PKNOX2: variants seen among roughly 807,000 people sequenced by gnomAD.
PKNOX2 encodes PBX/knotted 1 homeobox 2, also known as homeobox protein PKNOX2.
A neutral mutation model predicts 53.1 loss-of-function variants in PKNOX2; 14 were observed. The observed-to-expected ratio is 0.26, with a 90% confidence interval of 0.17 to 0.41. PKNOX2 has a LOEUF of 0.41. Among genes scored for constraint, PKNOX2 ranks in the 10% least tolerant of loss-of-function variants. PKNOX2 has a pLI of 1.00. For missense variants in PKNOX2, 496 were observed against 602.8 expected, an observed-to-expected ratio of 0.82 and a Z score of 1.85; for synonymous variants, 257 against 242.8, an observed-to-expected ratio of 1.06 and a Z score of -0.54.
intron 3 of PKNOX2, among the ~76,000 whole-genome samples, chr11:125,338,904 C>T (rs1411306618): frequency 1.3e-5 from 2 of 152,204 alleles, no homozygotes; most frequent in Admixed American, 6.5e-5. Context: ...TCTTTCTTTC[C>T]ACCCAGACCA....
intron 2 of PKNOX2, among the ~76,000 whole-genome samples, chr11:125,252,148 A>T (rs1344774745): frequency 6.6e-6 from 1 of 152,220 alleles, no homozygotes; most frequent in Non-Finnish European, 1.5e-5. Flanking sequence ...CAGGGCTGAT[A>T]CCTGAAGTGG....
At chr11:125,290,852 G>A (rs535142168) in intron 2 of PKNOX2, among the ~76,000 whole-genome samples, 14 of 152,020 alleles carry the variant, frequency 9.2e-5, no homozygotes, top group African/African-American at 3.1e-4. Context: ...AGAGGAGGGT[G>A]CCGAGCTCCA....
In PKNOX2 at chr11:125,433,260, CAG is replaced by C; in HGVS notation, c.*1869_*1870del. 6.5e-6 allele frequency: 1 copy of C among 153,036 alleles called. No individual in the cohort carries two copies. The highest frequency in any genetic ancestry group is 1.9e-4 in the East Asian group (1 of 5,188). The allele number at this position is 153,036 out of a possible 1,614,324, so 9.5% of individuals were successfully genotyped here. A position where few individuals can be genotyped will look rare whatever the true frequency, so the allele number is the denominator to read the frequency against. ...CCCCCAGCACGGACACACTGGCACA[CAG>C]GTGCCCACATCTCTTCCTCTCAGCC... On this transcript the variant is annotated 3_prime_UTR_variant, in exon 13 of 13. Transcript: ENST00000298282.
At chr11:125,398,096 C>T in intron 7 of PKNOX2, 34 bp downstream of exon 7, 1 of 1,580,498 alleles carries the variant, frequency 6.3e-7, no homozygotes, top group Non-Finnish European at 8.6e-7. Flanking sequence ...TCTCTTAAGC[C>T]AGGCTCCTAA....
chr11:125,221,114 C>A (rs1462287138), intron 1 of PKNOX2, among the ~76,000 whole-genome samples: 1 of 152,066 alleles, frequency 6.6e-6, no homozygotes, highest in African/African-American at 2.4e-5. Flanking sequence ...GAGATCGCGC[C>A]ACTGCACTCC....
At chr11:125,344,385 G>T (rs1950863690) in intron 3 of PKNOX2, among the ~76,000 whole-genome samples, 1 of 152,226 alleles carries the variant, frequency 6.6e-6, no homozygotes, top group African/African-American at 2.4e-5. Flanking sequence ...ATTGGGGGTT[G>T]GATGGGAAGG....
intron 5 of PKNOX2, among the ~76,000 whole-genome samples, chr11:125,375,796 G>A (rs748726334): frequency 6.6e-5 from 10 of 152,280 alleles, no homozygotes; most frequent in South Asian, 4.1e-4. Context: ...ATCACTGATC[G>A]CCTTTCACTA....
At chr11:125,411,935 G>T (rs1007231452) in intron 10 of PKNOX2, 70 bp downstream of exon 10, 2 of 1,600,088 alleles carry the variant, frequency 1.2e-6, no homozygotes, top group South Asian at 1.1e-5. Flanking sequence ...GTGGGTACCA[G>T]ACTCTGCTGT....
intron 4 of PKNOX2, among the ~76,000 whole-genome samples, chr11:125,357,632 G>T (rs564008025): frequency 6.6e-6 from 1 of 152,106 alleles, no homozygotes; most frequent in African/African-American, 2.4e-5. Context: ...CCTGCCTTTC[G>T]CACGCCGTTG....
At position 125,410,396 on chromosome 11, in the gene PKNOX2, T is replaced by C. The variant is rs570528826; in HGVS notation, c.718+71T>C. The C allele has an allele frequency of 1.5e-4, 243 of 1,593,106 alleles. 2 individuals carry two copies. The East Asian group carries it at 4.6e-3, about 30-fold the overall frequency. ...GGAGAAAGGGTGGCCCCGAGGCGGT[T>C]CCAGGGGTGGGGGTTGTCCTCCACC... is the stretch of plus-strand genomic sequence containing the variant. On this transcript the variant is annotated intron_variant, in intron 8 of 12. Coordinates refer to ENST00000298282, the MANE Select transcript of PKNOX2 (RefSeq NM_001382323.2).
intron 10 of PKNOX2, among the ~76,000 whole-genome samples, chr11:125,421,722 G>A (rs1049989017): frequency 2.0e-5 from 3 of 152,216 alleles, no homozygotes; most frequent in Non-Finnish European, 2.9e-5. Context: ...CTTGCAGGCC[G>A]GCATGTCACA....
rs1310601888 is a variant in PKNOX2, at chr11:125,411,923, G to A, written c.936+58G>A. 41 of 1,607,448 alleles carry A rather than the reference G, an allele frequency of 2.6e-5. No individual in the cohort carries two copies. The East Asian group carries it at 3.8e-4, about 15-fold the overall frequency. On this transcript the variant is annotated intron_variant, in intron 10 of 12. Coordinates refer to ENST00000298282, the MANE Select transcript of PKNOX2 (RefSeq NM_001382323.2). ...CGGCATGGGGTATGAATAACCCACC[G>A]TGTGGGTACCAGACTCTGCTGTCGG...
intron 1 of PKNOX2, chr11:125,190,982 C>T (rs529413987): frequency 2.0e-5 from 3 of 152,340 alleles, no homozygotes; most frequent in East Asian, 3.9e-4. Flanking sequence ...CCTGTCTCCA[C>T]AGTGAAACTG....
intron 5 of PKNOX2, among the ~76,000 whole-genome samples, chr11:125,373,947 T>C (rs1246320647): frequency 6.6e-6 from 1 of 152,136 alleles, no homozygotes; most frequent in African/African-American, 2.4e-5. Flanking sequence ...ACAGCCACGC[T>C]ACCAATCCTG....
intron 6 of PKNOX2, among the ~76,000 whole-genome samples, chr11:125,393,158 C>CAAAA (rs571335360): frequency 1.4e-5 from 1 of 70,250 alleles, no homozygotes; most frequent in African/African-American, 4.8e-5. Flanking sequence ...AGACTCGTCT[C>CAAAA]AAAAAAAAAA....
At chr11:125,297,749 G>C (rs1300381206) in intron 2 of PKNOX2, among the ~76,000 whole-genome samples, 1 of 152,052 alleles carries the variant, frequency 6.6e-6, no homozygotes, top group Non-Finnish European at 1.5e-5. Flanking sequence ...TGAAAATGCT[G>C]TTTCCTCTGT....
At position 125,433,183 on chromosome 11, in the gene PKNOX2, C is replaced by T. The variant is rs1026273238; in HGVS notation, c.*1791C>T. The T allele has an allele frequency of 3.3e-5, 5 of 152,650 alleles. No homozygotes were observed. Among genetic ancestry groups the T allele is most frequent in the East Asian group, 3.8e-4 (2 of 5,202 alleles). 9.5% of individuals were successfully genotyped at this position (152,650 alleles called of 1,614,324 possible). ...TTCTGGTTCGTTTTTCTTGTTAACACGCGCACACAGACACACACACACACC... is the reference window on the plus strand; with the variant it reads ...TTCTGGTTCGTTTTTCTTGTTAACATGCGCACACAGACACACACACACACC... On this transcript the variant is annotated 3_prime_UTR_variant, in exon 13 of 13. Coordinates refer to ENST00000298282, the MANE Select transcript of PKNOX2 (RefSeq NM_001382323.2).
intron 2 of PKNOX2, among the ~76,000 whole-genome samples, chr11:125,273,339 A>G (rs1945942687): frequency 6.6e-6 from 1 of 152,180 alleles, no homozygotes; most frequent in Non-Finnish European, 1.5e-5. Flanking sequence ...GCGGCAAAAC[A>G]AGAAAAGGGG....
intron 5 of PKNOX2, 59 bp from the exon 6 acceptor site, chr11:125,385,492 C>A: frequency 6.6e-7 from 1 of 1,511,640 alleles, no homozygotes; most frequent in Non-Finnish European, 8.8e-7. Flanking sequence ...GGCTTCTGAG[C>A]ACAGGTAGCA....
Sources: gnomAD v4.1 joint callset for allele counts (sites outside exome capture counted in the v4.1 genomes callset) on GRCh38, gnomAD v4.1.1 for gene constraint, MANE v1.5 for transcripts, NCBI Gene and HGNC (gene_info 2026-07-23, HGNC 2026-07-21) for gene names.